The following CDC45 variants were observed in gnomAD, a reference collection of about 807,000 sequenced individuals.
CDC45 encodes the protein cell division control protein 45 homolog.
Under a neutral mutation model 77.8 loss-of-function variants are expected in CDC45, and 54 were observed. The ratio of observed to expected loss-of-function variants is 0.69; its 90% CI spans 0.56 to 0.87. The LOEUF (loss-of-function observed/expected upper bound fraction) is 0.87, where lower values mean the gene tolerates loss of function less well. Ranked by LOEUF, CDC45 falls within the 40% of genes least tolerant of loss-of-function variation. CDC45 has a pLI of 0.00. For missense variants in CDC45, 649 were observed against 721.6 expected, an observed-to-expected ratio of 0.90 and a Z score of 1.15; for synonymous variants, 260 against 272.1, an observed-to-expected ratio of 0.96 and a Z score of 0.44.
At chr22:19,481,657 G>A (rs1032577255) in intron 3 of CDC45, among the ~76,000 whole-genome samples, 9 of 151,768 alleles carry the variant, frequency 5.9e-5, no homozygotes, top group African/African-American at 2.2e-4. Flanking sequence ...ACAGGTATGA[G>A]CCACCACGCC....
upstream of CDC45, chr22:19,479,706 T>G (rs13447180): frequency 0.024 from 16,755 of 692,328 alleles, 260 homozygotes; most frequent in African/African-American, 0.04. Context: ...GAGTCAGAGT[T>G]GAAGGGGGCA....
At chr22:19,516,482 T>C (rs554825977) in intron 15 of CDC45, 45 bp from the exon 16 acceptor site, 13 of 1,492,496 alleles carry the variant, frequency 8.7e-6, no homozygotes, top group Non-Finnish European at 1.2e-5. Flanking sequence ...AGTGTTGAGC[T>C]GGGGCCCACC....
Position 19,516,632 on chromosome 22 carries a change from T to G in CDC45, c.1546T>G (p.Ser516Ala), listed in dbSNP as rs1568937979. The stretch of plus-strand genomic sequence containing the variant: ...GGGCATCCCCCCAGAGACCGACAGC[T>G]CGGACAGGAAGAAGTGAGCAGCTTC... ...VVGIPPETDS[S>A]DRKNFFGRAF... Residue 516 changes from serine to alanine, a missense_variant, in exon 16 of 19, where the codon TCG (serine) becomes GCG (alanine). Ser to Ala is a moderately conservative substitution (Grantham distance 99). Transcript: ENST00000263201. 6.2e-7 allele frequency: 1 copy of G among 1,613,398 alleles called. No homozygotes were observed. The highest frequency in any genetic ancestry group is 8.5e-7 in the Non-Finnish European group (1 of 1,179,568).
chr22:19,514,770 C>G lies in CDC45; in HGVS notation c.1239C>G (p.Tyr413Ter), dbSNP rs1240334883. 1.2e-6 allele frequency: 2 copies of G among 1,612,540 alleles called. No homozygotes were observed. Among genetic ancestry groups the G allele is most frequent in the Admixed American group, 3.3e-5 (2 of 59,940 alleles). Residue 413 changes from tyrosine to a stop codon, truncating the protein, a stop_gained, in exon 14 of 19, where the codon TAC becomes TAG. Transcript: ENST00000263201. LOFTEE classifies it high-confidence loss of function. Reference protein sequence around the residue: ...SLSRSNLDKLYHGLELAKKQL... With the variant: ...SLSRSNLDKL ...ACAGGAGTAACCTGGACAAGCTGTA[C>G]CATGGCCTGGAACTCGCCAAGAAGC...
At position 19,505,356 on chromosome 22, in the gene CDC45, T is replaced by C. The variant is rs1933105872; in HGVS notation, c.705-6T>C. 1 of 1,614,002 alleles carries C rather than the reference T, an allele frequency of 6.2e-7. No individual in the cohort carries two copies. Among genetic ancestry groups the C allele is most frequent in the South Asian group, 1.1e-5 (1 of 91,082 alleles). ...CAGCCGAGGCTTGTGCTACTTTTTT[T>C]TCCAGAATGAAATACGTGACTGATG... On this transcript the variant is annotated splice_polypyrimidine_tract_variant and splice_region_variant and intron_variant, in intron 9 of 18. Transcript: ENST00000263201.
chr22:19,494,383 G>A lies in CDC45; in HGVS notation c.542+1G>A. 5 of 1,613,584 alleles carry A rather than the reference G, an allele frequency of 3.1e-6. No homozygotes were observed. The highest frequency in any genetic ancestry group is 4.2e-6 in the Non-Finnish European group (5 of 1,179,884). On this transcript the variant is annotated splice_donor_variant, in intron 6 of 18. Transcript: ENST00000263201. LOFTEE classifies it high-confidence loss of function. ...AGCGGCGAGAGTGGGAGGCCCGGAGGTGAGTCTGTGCTTCCAGCTGCTCCC... is the reference window on the plus strand; with the variant it reads ...AGCGGCGAGAGTGGGAGGCCCGGAGATGAGTCTGTGCTTCCAGCTGCTCCC...
At chr22:19,480,819 C>T (rs1298576430) in intron 2 of CDC45, 134 bp from the exon 3 acceptor site, 10 of 590,080 alleles carry the variant, frequency 1.7e-5, no homozygotes, top group South Asian at 1.2e-4. Flanking sequence ...TAGCTTTTCC[C>T]GTAAGCATTT....
At position 19,482,829 on chromosome 22, in the gene CDC45, T is replaced by C; in HGVS notation, c.342+2T>C. 1 of 1,613,910 alleles carries C rather than the reference T, an allele frequency of 6.2e-7. No individual in the cohort carries two copies. Among genetic ancestry groups the C allele is most frequent in the Non-Finnish European group, 8.5e-7 (1 of 1,179,786 alleles). On this transcript the variant is annotated splice_donor_variant, in intron 4 of 18. Coordinates refer to ENST00000263201, the MANE Select transcript of CDC45 (RefSeq NM_003504.5). LOFTEE classifies it high-confidence loss of function. ...GTCAATGTATACAACGATACCCAGGTACTTTTTGTGCTATGCCCTCAAACT... is the reference window on the plus strand; with the variant it reads ...GTCAATGTATACAACGATACCCAGGCACTTTTTGTGCTATGCCCTCAAACT...
At chr22:19,500,065 A>G (rs778452833) in intron 9 of CDC45, among the ~76,000 whole-genome samples, 4 of 152,234 alleles carry the variant, frequency 2.6e-5, no homozygotes, top group Non-Finnish European at 4.4e-5. Flanking sequence ...GGCACAGCCC[A>G]CTGCCCTGTT....
chr22:19,490,978 CCA>C (rs1259608520), intron 5 of CDC45, among the ~76,000 whole-genome samples: 1 of 151,918 alleles, frequency 6.6e-6, no homozygotes, highest in African/African-American at 2.4e-5. Context: ...CAGGTGTGTG[CCA>C]CCATGCCCGG....
Position 19,482,769 on chromosome 22 carries a change from T to G in CDC45, c.284T>G (p.Phe95Cys), listed in dbSNP as rs2090004100. ...CTTCAACCTGATGAAGACACTATAT[T>G]CTTTGTGTGTGACACCCATAGGCCA... Reference protein sequence around the residue: ...DILQPDEDTIFFVCDTHRPVN... With the variant: ...DILQPDEDTICFVCDTHRPVN... Residue 95 changes from phenylalanine (F) to cysteine (C), a missense_variant, in exon 4 of 19, where the codon TTC becomes TGC. Physicochemically the swap from Phe to Cys is radical, Grantham distance 205. Transcript: ENST00000263201. 2.5e-6 allele frequency: 4 copies of G among 1,612,884 alleles called. No individual in the cohort carries two copies. Among genetic ancestry groups the G allele is most frequent in the Non-Finnish European group, 3.4e-6 (4 of 1,178,924 alleles).
intron 18 of CDC45, 52 bp downstream of exon 18, chr22:19,518,961 G>A (rs908955113): frequency 1.8e-5 from 24 of 1,323,626 alleles, no homozygotes; most frequent in South Asian, 4.7e-5. Flanking sequence ...CTCAGAGCCC[G>A]ACCCTGATGC....
chr22:19,516,555 C>G lies in CDC45; in HGVS notation c.1469C>G (p.Pro490Arg). The G allele has an allele frequency of 6.2e-7, 1 of 1,614,008 alleles. No homozygotes were observed. The highest frequency in any genetic ancestry group is 8.5e-7 in the Non-Finnish European group (1 of 1,179,974). ...STKNRRCKLL[P>R]LVMAAPLSME... ...AAGAACCGGCGCTGCAAACTGCTGC[C>G]CCTGGTGATGGCTGCCCCCCTGAGC... Residue 490 changes from proline to arginine, a missense_variant, in exon 16 of 19, where the codon CCC becomes CGC. Coordinates refer to ENST00000263201, the MANE Select transcript of CDC45 (RefSeq NM_003504.5).
chr22:19,517,001 C>A, intron 17 of CDC45, 108 bp downstream of exon 17: 2 of 891,434 alleles, frequency 2.2e-6, no homozygotes, highest in Non-Finnish European at 3.6e-6. Context: ...TGGCCAGCAG[C>A]CCTCTTGACC....
upstream of CDC45, chr22:19,479,708 A>T: frequency 1.0e-5 from 7 of 672,974 alleles, no homozygotes; most frequent in Non-Finnish European, 1.4e-5. Context: ...GTCAGAGTTG[A>T]AGGGGGCAAC....
chr22:19,509,509 C>G (rs748773793), intron 13 of CDC45, among the ~76,000 whole-genome samples: 21 of 152,190 alleles, frequency 1.4e-4, no homozygotes, highest in Non-Finnish European at 2.2e-4. Context: ...TCCAGACATG[C>G]AAGCAGGAGC....
At chr22:19,498,516 T>C (rs1382538255) in intron 8 of CDC45, among the ~76,000 whole-genome samples, 1 of 152,238 alleles carries the variant, frequency 6.6e-6, no homozygotes, top group East Asian at 1.9e-4. Context: ...AGGCCTTGCC[T>C]GGGTCTCAGG....
At chr22:19,515,982 T>TG (rs1306936129) in intron 15 of CDC45, among the ~76,000 whole-genome samples, 1 of 152,188 alleles carries the variant, frequency 6.6e-6, no homozygotes, top group East Asian at 1.9e-4. Flanking sequence ...ACTGGTCACC[T>TG]GGGCTGTAGG....
Position 19,513,395 on chromosome 22 carries a change from T to C in CDC45, c.1218-1354T>C, listed in dbSNP as rs145343832. 7.2e-3 allele frequency among the ~76,000 whole-genome samples: 1,097 copies of C among 152,146 alleles called. 11 individuals carry two copies. The highest frequency in any genetic ancestry group is 0.024 in the Middle Eastern group (7 of 294). ...TAATAAACTATTCCAGAGACAATCA[T>C]GTGTAGTAATAGATTACTATCTGGC... On this transcript the variant is annotated intron_variant, in intron 13 of 18. Coordinates refer to ENST00000263201, the MANE Select transcript of CDC45 (RefSeq NM_003504.5).
Sources: gnomAD v4.1 joint callset for allele counts (sites outside exome capture counted in the v4.1 genomes callset) on GRCh38, gnomAD v4.1.1 for gene constraint, MANE v1.5 for transcripts, NCBI Gene and HGNC (gene_info 2026-07-23, HGNC 2026-07-21) for gene names.